Variants in ROBO2 observed in about 807,000 individuals in gnomAD.
ROBO2 encodes the protein roundabout homolog 2.
ROBO2 carries 53 observed loss-of-function variants against 160.8 expected under a neutral mutation model. The observed-to-expected ratio is 0.33, with a 90% CI of 0.26 to 0.41. The LOEUF (loss-of-function observed/expected upper bound fraction) is 0.41, where lower values mean the gene tolerates loss of function less well. Ranked by LOEUF, ROBO2 falls within the 10% of genes least tolerant of loss-of-function variation. The pLI, the probability that ROBO2 is intolerant of heterozygous loss-of-function variation, is 1.00. For missense variants in ROBO2, 1,577 were observed against 1,722.4 expected (o/e 0.92, Z 1.49); for synonymous variants, 664 against 611.7 (o/e 1.09, Z -1.26).
chr3:77,409,781 A>G (rs989119578), intron 2 of ROBO2, among the ~76,000 whole-genome samples: 1 of 152,162 alleles, frequency 6.6e-6, no homozygotes, highest in South Asian at 2.1e-4. Flanking sequence ...ATGAAGCCCA[A>G]CTGCAATGTG....
chr3:76,137,020 T>G (rs1024187927), intron 2 of ROBO2, among the ~76,000 whole-genome samples: 3 of 152,020 alleles, frequency 2.0e-5, no homozygotes, highest in African/African-American at 7.2e-5. Context: ...ACCTTCAGAT[T>G]TTGTGTTAGT....
chr3:77,292,483 G>C (rs62251160), intron 2 of ROBO2, among the ~76,000 whole-genome samples: 1,573 of 151,784 alleles, frequency 0.01, 26 homozygotes, highest in African/African-American at 0.029. Context: ...GGTAAACTGA[G>C]GCTAGAGCAC....
At chr3:76,581,246 A>G (rs2108730296) in intron 2 of ROBO2, among the ~76,000 whole-genome samples, 1 of 152,274 alleles carries the variant, frequency 6.6e-6, no homozygotes, top group East Asian at 1.9e-4. Context: ...AAAGCTTGTG[A>G]TAGGTAGAGC....
At chr3:76,072,409 T>G (rs2068491000) in intron 2 of ROBO2, among the ~76,000 whole-genome samples, 1 of 152,178 alleles carries the variant, frequency 6.6e-6, no homozygotes, top group African/African-American at 2.4e-5. Flanking sequence ...TATTTCTTAG[T>G]TGTATTTTAT....
chr3:77,176,607 G>A (rs1300639426), intron 2 of ROBO2, among the ~76,000 whole-genome samples: 1 of 151,892 alleles, frequency 6.6e-6, no homozygotes, highest in African/African-American at 2.4e-5. Flanking sequence ...TTTATGAATT[G>A]ATTCTTATTT....
chr3:77,230,256 T>C (rs1325182122), intron 2 of ROBO2, among the ~76,000 whole-genome samples: 1 of 152,054 alleles, frequency 6.6e-6, no homozygotes, highest in African/African-American at 2.4e-5. Context: ...CTAATTTTGT[T>C]TCCTTTTTGT....
At chr3:75,945,724 T>C (rs1948263919) in intron 2 of ROBO2, among the ~76,000 whole-genome samples, 1 of 152,098 alleles carries the variant, frequency 6.6e-6, no homozygotes, top group Non-Finnish European at 1.5e-5. Flanking sequence ...CATTCTAGAA[T>C]AGTTAGCCAA....
intron 2 of ROBO2, among the ~76,000 whole-genome samples, chr3:77,409,383 T>A (rs1178062123): frequency 6.6e-6 from 1 of 152,118 alleles, no homozygotes. Flanking sequence ...GCTTTAAAAT[T>A]AAATCAAACT....
intron 2 of ROBO2, among the ~76,000 whole-genome samples, chr3:76,896,939 C>A (rs2074833086): frequency 6.6e-6 from 1 of 152,152 alleles, no homozygotes; most frequent in African/African-American, 2.4e-5. Context: ...AATACTGGAT[C>A]ATTGATGGGA....
chr3:77,180,416 C>CTCTCTCTCTCTCTCTCTCTCTATATATA (rs1433740534), intron 2 of ROBO2, among the ~76,000 whole-genome samples: 1 of 90,708 alleles, frequency 1.1e-5, no homozygotes, highest in Non-Finnish European at 2.3e-5. Flanking sequence ...CTCTCTCTCT[C>CTCTCTCTCTCTCTCTCTCTCTATATATA]TATATATATA....
intron 2 of ROBO2, among the ~76,000 whole-genome samples, chr3:77,352,006 G>GT (rs2068411857): frequency 6.6e-6 from 1 of 151,396 alleles, no homozygotes; most frequent in Non-Finnish European, 1.5e-5. Context: ...TAAATGACGA[G>GT]TTAATGGGTG....
chr3:77,075,228 G>A (rs751068609), intron 1 of ROBO2, among the ~76,000 whole-genome samples: 2 of 152,140 alleles, frequency 1.3e-5, no homozygotes, highest in South Asian at 2.1e-4. Context: ...CTAAGTTCAC[G>A]TGAGAGTATT....
chr3:76,661,430 G>A (rs973130111), intron 2 of ROBO2, among the ~76,000 whole-genome samples: 1 of 152,158 alleles, frequency 6.6e-6, no homozygotes, highest in Non-Finnish European at 1.5e-5. Context: ...ACATACCCAT[G>A]ACACAACCTC....
chr3:77,445,489 A>G (rs1328095324), intron 2 of ROBO2, among the ~76,000 whole-genome samples: 7 of 152,118 alleles, frequency 4.6e-5, no homozygotes, highest in Non-Finnish European at 1.0e-4. Context: ...ATATCCATAC[A>G]AAAATAATTA....
At chr3:76,128,346 A>C (rs1448204500) in intron 2 of ROBO2, among the ~76,000 whole-genome samples, 1 of 152,112 alleles carries the variant, frequency 6.6e-6, no homozygotes, top group African/African-American at 2.4e-5. Context: ...TACGAAAAAG[A>C]GGGTATGAAG....
At chr3:76,109,129 C>T (rs1025466958) in intron 2 of ROBO2, among the ~76,000 whole-genome samples, 12 of 151,894 alleles carry the variant, frequency 7.9e-5, no homozygotes, top group Admixed American at 5.2e-4. Flanking sequence ...TCTGATACTA[C>T]TCATAGTCAA....
chr3:76,327,753 CCATT>C (rs1448706945), intron 2 of ROBO2, among the ~76,000 whole-genome samples: 1 of 152,098 alleles, frequency 6.6e-6, no homozygotes, highest in African/African-American at 2.4e-5. Flanking sequence ...CATTTTGGCT[CCATT>C]CATATGATGT....
At chr3:76,641,120 T>C (rs1486150556) in intron 2 of ROBO2, among the ~76,000 whole-genome samples, 1 of 152,146 alleles carries the variant, frequency 6.6e-6, no homozygotes, top group Admixed American at 6.5e-5. Flanking sequence ...AGGCAAAATA[T>C]ACTAATCAAT....
chr3:76,349,523 A>G (rs2074742796), intron 2 of ROBO2, among the ~76,000 whole-genome samples: 1 of 152,080 alleles, frequency 6.6e-6, no homozygotes, highest in Non-Finnish European at 1.5e-5. Flanking sequence ...GTCTGAATTT[A>G]CACTTAGAAA....
Sources: allele counts gnomAD v4.1 joint callset (sites outside exome capture counted in the v4.1 genomes callset), GRCh38; gene constraint gnomAD v4.1.1; transcripts MANE v1.5; gene names NCBI Gene and HGNC (gene_info 2026-07-23, HGNC 2026-07-21).